The following ATP6V0A4 variants were observed in gnomAD, a reference collection of about 807,000 sequenced individuals.
ATP6V0A4 encodes the protein ATPase H+ transporting V0 subunit a4.
Under a neutral mutation model 107.3 loss-of-function variants are expected in ATP6V0A4, and 86 were observed. The observed-to-expected ratio is 0.80, with a 90% CI of 0.67 to 0.96. ATP6V0A4 has a LOEUF of 0.96. ATP6V0A4 is among the 40% of genes least tolerant of loss of function. The pLI is 0.00. For missense variants in ATP6V0A4, 908 were observed against 1,045.6 expected (o/e 0.87, Z 1.81); for synonymous variants, 353 against 381.4 (o/e 0.93, Z 0.87).
At position 138,716,566 on chromosome 7, in the gene ATP6V0A4, ATT is replaced by A. The variant is rs35748444; in HGVS notation, c.2140-687_2140-686del. On this transcript the variant is annotated intron_variant, in intron 19 of 21. Transcript: ENST00000310018. ...CTCATGCTCTCTGATGTGACAGACAATTTTTTTTTGGGGGGGGGGGAGGGTCT... is the reference window on the plus strand; with the variant it reads ...CTCATGCTCTCTGATGTGACAGACAATTTTTTTGGGGGGGGGGGAGGGTCT... Among the ~76,000 whole-genome samples the A allele has an allele frequency of 5.3e-3, 667 of 126,640 alleles. 7 individuals are homozygous for A. Among genetic ancestry groups the A allele is most frequent in the African/African-American group, 0.016 (578 of 35,752 alleles). 83.1% of individuals were successfully genotyped at this position (126,640 alleles called of 152,430 possible).
At chr7:138,771,035 A>G in intron 3 of ATP6V0A4, 96 bp downstream of exon 3, 1 of 1,241,364 alleles carries the variant, frequency 8.1e-7, no homozygotes, top group Non-Finnish European at 1.2e-6. Flanking sequence ...TCCTCTCCCT[A>G]CAAAATGGTT....
At chr7:138,796,851 G>C (rs1332395276) in intron 1 of ATP6V0A4, among the ~76,000 whole-genome samples, 4 of 149,736 alleles carry the variant, frequency 2.7e-5, no homozygotes, top group Non-Finnish European at 6.0e-5. Flanking sequence ...CAGTGCCTAG[G>C]ATGAGACCTT....
In ATP6V0A4 at chr7:138,798,063, G is replaced by A. The variant is rs1808774430; in HGVS notation, c.-150C>T. The A allele has an allele frequency of 1.3e-6, 2 of 1,567,622 alleles. No individual in the cohort carries two copies. The highest frequency in any genetic ancestry group is 2.7e-5 in the African/African-American group (2 of 73,756). The stretch of plus-strand genomic sequence containing the variant: ...AGCAGGCACTCGGCACAACTCCGCA[G>A]GACCGGCTCACCTGCACCGGGCACT... On this transcript the variant is annotated 5_prime_UTR_variant, in exon 1 of 22. Coordinates refer to ENST00000310018, the MANE Select transcript of ATP6V0A4 (RefSeq NM_020632.3).
chr7:138,763,848 A>G (rs1199489876), intron 5 of ATP6V0A4, among the ~76,000 whole-genome samples: 2 of 150,836 alleles, frequency 1.3e-5, no homozygotes, highest in Non-Finnish European at 3.0e-5. Flanking sequence ...AGCCGGGCAA[A>G]ACTCTGGAGG....
Position 138,752,539 on chromosome 7 carries a change from C to T in ATP6V0A4, c.1029+86G>A. 3.3e-6 allele frequency: 5 copies of T among 1,529,144 alleles called. No individual in the cohort carries two copies. The South Asian group carries it at 5.8e-5, about 18-fold the overall frequency. The allele number at this position is 1,529,144 out of a possible 1,614,324, so 94.7% of individuals were successfully genotyped here. A position where few individuals can be genotyped will look rare whatever the true frequency, so the allele number is the denominator to read the frequency against. ...ATCCTACCACCAAGTCACTTGAGTT[C>T]ATGTGGCCCATGAGGCCAACACCCT... On this transcript the variant is annotated intron_variant, in intron 11 of 21. Coordinates refer to ENST00000310018, the MANE Select transcript of ATP6V0A4 (RefSeq NM_020632.3).
chr7:138,744,741 C>T (rs1304431052), intron 14 of ATP6V0A4, among the ~76,000 whole-genome samples: 1 of 150,994 alleles, frequency 6.6e-6, no homozygotes, highest in Non-Finnish European at 1.5e-5. Flanking sequence ...CTCACTCTGT[C>T]ACCCAGGCTG....
chr7:138,787,034 A>G (rs1808207505), intron 1 of ATP6V0A4, among the ~76,000 whole-genome samples: 1 of 152,204 alleles, frequency 6.6e-6, no homozygotes. Context: ...CACCTGATTC[A>G]GTCTCCTTAC....
chr7:138,725,638 G>A (rs1186137876), intron 18 of ATP6V0A4, among the ~76,000 whole-genome samples: 2 of 151,978 alleles, frequency 1.3e-5, no homozygotes, highest in East Asian at 1.9e-4. Flanking sequence ...TCAGCCTTCC[G>A]AGTAGCTGGG....
At chr7:138,792,684 G>C (rs1808468421) in intron 1 of ATP6V0A4, among the ~76,000 whole-genome samples, 1 of 151,736 alleles carries the variant, frequency 6.6e-6, no homozygotes, top group African/African-American at 2.4e-5. Context: ...TGCCATCTCG[G>C]ATCTCCTGGG....
chr7:138,735,705 C>T (rs1015751478), intron 15 of ATP6V0A4, among the ~76,000 whole-genome samples: 2 of 152,206 alleles, frequency 1.3e-5, no homozygotes, highest in African/African-American at 4.8e-5. Context: ...TGCCCCAGCC[C>T]TCGGCATTCC....
chr7:138,714,546 A>G (rs1803932854), intron 20 of ATP6V0A4, among the ~76,000 whole-genome samples: 1 of 134,462 alleles, frequency 7.4e-6, no homozygotes, highest in South Asian at 2.2e-4. Flanking sequence ...TCTCTTTTAG[A>G]TAGATAGATA....
chr7:138,744,185 C>T (rs1310066604), intron 14 of ATP6V0A4, among the ~76,000 whole-genome samples: 1 of 151,894 alleles, frequency 6.6e-6, no homozygotes, highest in African/African-American at 2.4e-5. Flanking sequence ...CTCTGTCAGC[C>T]ACAGGACAAA....
chr7:138,778,237 G>A (rs530506900), intron 2 of ATP6V0A4, among the ~76,000 whole-genome samples: 9 of 151,956 alleles, frequency 5.9e-5, no homozygotes, highest in Middle Eastern at 3.4e-3. Flanking sequence ...TTAGCGGGGC[G>A]TGGTGGTGGG....
At chr7:138,770,359 C>T (rs538479418) in intron 3 of ATP6V0A4, among the ~76,000 whole-genome samples, 1 of 152,216 alleles carries the variant, frequency 6.6e-6, no homozygotes, top group South Asian at 2.1e-4. Flanking sequence ...CCTCAAAATC[C>T]TCAATGGGGT....
At chr7:138,770,711 T>G (rs191959906) in intron 3 of ATP6V0A4, among the ~76,000 whole-genome samples, 16 of 152,214 alleles carry the variant, frequency 1.1e-4, no homozygotes, top group African/African-American at 3.9e-4. Flanking sequence ...ATCCCGGGTA[T>G]GACAACCAAC....
At chr7:138,792,046 C>T (rs757943088) in intron 1 of ATP6V0A4, among the ~76,000 whole-genome samples, 8 of 152,132 alleles carry the variant, frequency 5.3e-5, no homozygotes, top group East Asian at 1.9e-4. Context: ...TGGTGGCTCA[C>T]GCCTGTAATC....
At chr7:138,788,950 C>G (rs1353261027) in intron 1 of ATP6V0A4, among the ~76,000 whole-genome samples, 1 of 152,180 alleles carries the variant, frequency 6.6e-6, no homozygotes, top group Non-Finnish European at 1.5e-5. Flanking sequence ...TTGGATATGT[C>G]TTTATTAGCA....
intron 20 of ATP6V0A4, among the ~76,000 whole-genome samples, chr7:138,710,159 G>T (rs1215387250): frequency 6.6e-6 from 1 of 151,378 alleles, no homozygotes; most frequent in Non-Finnish European, 1.5e-5. Flanking sequence ...CTAAGTAGCT[G>T]GGACCACAGA....
chr7:138,766,939 C>T (rs1400753980), intron 5 of ATP6V0A4, among the ~76,000 whole-genome samples: 1 of 152,174 alleles, frequency 6.6e-6, no homozygotes, highest in Non-Finnish European at 1.5e-5. Flanking sequence ...TTTCCCACTG[C>T]TTATCTGTGT....
Sources: allele counts gnomAD v4.1 joint callset (sites outside exome capture counted in the v4.1 genomes callset), GRCh38; gene constraint gnomAD v4.1.1; transcripts MANE v1.5; gene names NCBI Gene and HGNC (gene_info 2026-07-23, HGNC 2026-07-21).